POTEI: variants seen among roughly 807,000 people sequenced by gnomAD.
POTEI encodes the protein POTE ankyrin domain family member I.
In POTEI, 14 loss-of-function variants were observed where a neutral mutation model predicts 43.4. The observed-to-expected ratio is 0.32, with a 90% CI of 0.21 to 0.50. The LOEUF (loss-of-function observed/expected upper bound fraction) is 0.50, where lower values mean the gene tolerates loss of function less well. Ranked by LOEUF, POTEI falls within the 20% of genes least tolerant of loss-of-function variation. The probability of loss-of-function intolerance (pLI) is 0.98; values close to 1 mark genes in which losing one functional copy is unlikely to be tolerated. For synonymous variants in POTEI, 95 were observed against 297.9 expected (o/e 0.32, Z 7.01); for missense variants, 235 against 795.4 (o/e 0.30, Z 8.47).
chr2:130,495,098 T>G (rs1192542421), intron 6 of POTEI, among the ~76,000 whole-genome samples: 1 of 51,358 alleles, frequency 1.9e-5, no homozygotes, highest in Admixed American at 2.6e-4. Context: ...CTGCCAAACA[T>G]TCTTCTTCTG....
intron 13 of POTEI, among the ~76,000 whole-genome samples, chr2:130,472,148 G>GA (rs1223935874): frequency 2.1e-5 from 3 of 139,676 alleles, no homozygotes; most frequent in African/African-American, 5.3e-5. Flanking sequence ...ATTTAGTACA[G>GA]AAAAAAATTA....
At chr2:130,478,436 C>G (rs1205807345) in intron 10 of POTEI, among the ~76,000 whole-genome samples, 3 of 33,432 alleles carry the variant, frequency 9.0e-5, no homozygotes. Context: ...TAAGTATAAT[C>G]CTGGTACTCA....
chr2:130,507,558 A>G (rs1684224011), intron 1 of POTEI, among the ~76,000 whole-genome samples: 1 of 20,762 alleles, frequency 4.8e-5, no homozygotes, highest in African/African-American at 1.2e-4. Flanking sequence ...AAAATGAATT[A>G]TGAACAATCC....
At chr2:130,468,703 TGG>T (rs3050012) in intron 13 of POTEI, among the ~76,000 whole-genome samples, 94 of 64,464 alleles carry the variant, frequency 1.5e-3, no homozygotes, top group African/African-American at 3.4e-3. Flanking sequence ...GCCAAACTAT[TGG>T]GGGGGGGGGT....
At chr2:130,501,937 T>A (rs1684068213) in intron 3 of POTEI, among the ~76,000 whole-genome samples, 1 of 3,308 alleles carries the variant, frequency 3.0e-4, no homozygotes, top group African/African-American at 4.3e-4. Context: ...ATTGGAAAGA[T>A]TTAAAGAAAT....
At chr2:130,492,977 A>G (rs2105108178) in intron 6 of POTEI, among the ~76,000 whole-genome samples, 1 of 150,928 alleles carries the variant, frequency 6.6e-6, no homozygotes, top group East Asian at 2.0e-4. Flanking sequence ...TAGCCTATAC[A>G]AAAAACACTC....
At chr2:130,483,751 C>T (rs566874733) in intron 9 of POTEI, among the ~76,000 whole-genome samples, 1 of 149,246 alleles carries the variant, frequency 6.7e-6, no homozygotes, top group African/African-American at 2.5e-5. Flanking sequence ...CATGCCACCA[C>T]ACCCGGTTAA....
In POTEI at chr2:130,508,994, C is replaced by T. The variant is rs778413791; in HGVS notation, c.242G>A (p.Gly81Asp). 4 of 1,516,022 alleles carry T rather than the reference C, an allele frequency of 2.6e-6. No homozygotes were observed. The highest frequency in any genetic ancestry group is 1.4e-5 in the African/African-American group (1 of 70,200). The allele number at this position is 1,516,022 out of a possible 1,614,324, so 93.9% of individuals were successfully genotyped here. A position where few individuals can be genotyped will look rare whatever the true frequency, so the allele number is the denominator to read the frequency against. ...GGAGTCGTCGTGGTCTCCAGAAGTG[C>T]CCACGTTGCTCTTGCCACTCCCCCT... ...CCRGSGKSNV[G>D]TSGDHDDSAM... is the part of the protein sequence containing the mutation. Residue 81 changes from glycine to aspartate, a missense_variant, in exon 1 of 15, where the codon GGC becomes GAC. Coordinates refer to ENST00000451531, the MANE Select transcript of POTEI (RefSeq NM_001277406.2).
intron 6 of POTEI, among the ~76,000 whole-genome samples, chr2:130,492,930 A>G (rs1168034473): frequency 6.6e-6 from 1 of 151,748 alleles, no homozygotes; most frequent in African/African-American, 2.4e-5. Context: ...CATAAATTCT[A>G]ACTCCTGGTA....
intron 9 of POTEI, among the ~76,000 whole-genome samples, chr2:130,482,362 C>T (rs1426546762): frequency 6.7e-6 from 1 of 149,432 alleles, no homozygotes; most frequent in African/African-American, 2.5e-5. Flanking sequence ...TAAGTCCTAG[C>T]TCCATAATGA....
Position 130,478,616 on chromosome 2 carries a change from G to A in POTEI, c.1481-1915C>T, listed in dbSNP as rs536656997. ...TTAGAAGTCAGAACTATGACATGAA[G>A]CCAAGCAGGGCACTCTAGGACCGAA... On this transcript the variant is annotated intron_variant, in intron 10 of 14. Transcript: ENST00000451531. Among the ~76,000 whole-genome samples the A allele has an allele frequency of 2.9e-4, 38 of 131,690 alleles. No individual in the cohort carries two copies. In the East Asian group the frequency reaches 7.8e-3, roughly 27 times the overall value. 86.4% of individuals were successfully genotyped at this position (131,690 alleles called of 152,430 possible). A position where few individuals can be genotyped will look rare whatever the true frequency, so the allele number is the denominator to read the frequency against.
intron 1 of POTEI, among the ~76,000 whole-genome samples, chr2:130,505,165 G>GT (rs1684125011): frequency 6.8e-6 from 1 of 147,942 alleles, no homozygotes; most frequent in African/African-American, 2.5e-5. Context: ...AGAACGTGCT[G>GT]TATTTGGTTT....
intron 6 of POTEI, among the ~76,000 whole-genome samples, chr2:130,494,952 C>T (rs1350722522): frequency 2.0e-5 from 2 of 101,478 alleles, no homozygotes; most frequent in African/African-American, 5.7e-5. Context: ...TTGGTACTAG[C>T]AAAAGTGAAC....
At chr2:130,468,394 G>A (rs1342391537) in intron 13 of POTEI, among the ~76,000 whole-genome samples, 2 of 152,230 alleles carry the variant, frequency 1.3e-5, no homozygotes, top group African/African-American at 2.4e-5. Flanking sequence ...AATTCATAAA[G>A]GAAAGAGGAT....
intron 1 of POTEI, among the ~76,000 whole-genome samples, chr2:130,507,332 A>G (rs1684206961): frequency 1.2e-5 from 1 of 84,252 alleles, no homozygotes; most frequent in African/African-American, 3.6e-5. Flanking sequence ...ACACACACAC[A>G]CACACATATA....
rs866655736 is a variant in POTEI at position 130,491,412 on chromosome 2, T to G, written c.1127-672A>C. The stretch of plus-strand genomic sequence containing the variant: ...TTCTGCTTCTGTAAGCTTGCCTACA[T>G]AAGCCAAGCCCTGTCTTTGTTCAGG... On this transcript the variant is annotated intron_variant, in intron 6 of 14. Coordinates refer to ENST00000451531, the MANE Select transcript of POTEI (RefSeq NM_001277406.2). Among the ~76,000 whole-genome samples, 366 of 122,986 alleles carry G rather than the reference T, an allele frequency of 3.0e-3. 4 individuals are homozygous for G. The highest frequency in any genetic ancestry group is 9.3e-3 in the African/African-American group (327 of 35,314). The allele number at this position is 122,986 out of a possible 152,430, so 80.7% of individuals were successfully genotyped here.
intron 9 of POTEI, among the ~76,000 whole-genome samples, chr2:130,483,467 C>G (rs569166474): frequency 6.9e-6 from 1 of 144,044 alleles, no homozygotes; most frequent in East Asian, 2.0e-4. Flanking sequence ...AGTGAATAAC[C>G]ACAATATTGG....
intron 6 of POTEI, among the ~76,000 whole-genome samples, chr2:130,491,680 G>T (rs1296343148): frequency 6.3e-4 from 39 of 62,006 alleles, no homozygotes; most frequent in African/African-American, 1.7e-3. Flanking sequence ...TTGAGCCAGG[G>T]TCTTGCTCTG....
Position 130,461,332 on chromosome 2 carries a change from G to C in POTEI, c.*1484C>G, listed in dbSNP as rs1249204370. On this transcript the variant is annotated 3_prime_UTR_variant, in exon 15 of 15. Coordinates refer to ENST00000451531, the MANE Select transcript of POTEI (RefSeq NM_001277406.2). ...GATGACAATCTGGTCCTCCCCCTGG[G>C]AGCTCTGACTCAGGGAGGCCTGAGA... 6.6e-6 allele frequency: 1 copy of C among 152,106 alleles called. No individual in the cohort carries two copies. The highest frequency in any genetic ancestry group is 1.5e-5 in the Non-Finnish European group (1 of 68,074). 9.4% of individuals were successfully genotyped at this position (152,106 alleles called of 1,614,324 possible).
Sources: allele counts gnomAD v4.1 joint callset (sites outside exome capture counted in the v4.1 genomes callset), GRCh38; gene constraint gnomAD v4.1.1; transcripts MANE v1.5; gene names NCBI Gene and HGNC (gene_info 2026-07-23, HGNC 2026-07-21).